NAALADL2: variants seen among roughly 807,000 people sequenced by gnomAD.
NAALADL2 encodes inactive N-acetylated-alpha-linked acidic dipeptidase-like protein 2.
A neutral mutation model predicts 87.2 loss-of-function variants in NAALADL2; 76 were observed. The observed-to-expected ratio is 0.87, with a 90% CI of 0.72 to 1.05. The LOEUF is 1.05. NAALADL2 is among the 50% of genes least tolerant of loss of function. The pLI is 0.00. For missense variants in NAALADL2, 1,089 were observed against 945.8 expected (o/e 1.15, Z -1.99); for synonymous variants, 354 against 331.0 (o/e 1.07, Z -0.75).
At chr3:175,382,525 T>C (rs969505582) in intron 5 of NAALADL2, among the ~76,000 whole-genome samples, 2 of 59,176 alleles carry the variant, frequency 3.4e-5, no homozygotes, top group East Asian at 8.5e-4. Flanking sequence ...ACAATACAAA[T>C]GACCCATGGT....
chr3:174,787,620 T>TATATACACAC (rs1489900205), intron 3 of NAALADL2, among the ~76,000 whole-genome samples: 1 of 117,490 alleles, frequency 8.5e-6, no homozygotes, highest in African/African-American at 2.9e-5. Context: ...TATATATATA[T>TATATACACAC]AGTAGTGACT....
chr3:175,678,041 T>C (rs1378609931), intron 11 of NAALADL2, among the ~76,000 whole-genome samples: 1 of 152,204 alleles, frequency 6.6e-6, no homozygotes, highest in African/African-American at 2.4e-5. Flanking sequence ...GGCAGAGCCT[T>C]GTAGCTGGGC....
chr3:174,529,692 C>T (rs1275710152), intron 1 of NAALADL2, among the ~76,000 whole-genome samples: 1 of 152,210 alleles, frequency 6.6e-6, no homozygotes, highest in African/African-American at 2.4e-5. Flanking sequence ...AGTTCTTGAC[C>T]TCTGTGCACT....
At chr3:175,219,901 G>T in intron 2 of NAALADL2, among the ~76,000 whole-genome samples, 1 of 143,412 alleles carries the variant, frequency 7.0e-6, no homozygotes, top group Non-Finnish European at 1.5e-5. Context: ...TTCAACAAGT[G>T]TATTTGATAT....
chr3:174,587,483 C>T (rs548446865), intron 2 of NAALADL2, among the ~76,000 whole-genome samples: 23 of 152,226 alleles, frequency 1.5e-4, no homozygotes, highest in African/African-American at 5.3e-4. Context: ...ATGGTCTTTA[C>T]AATTTGGCAT....
chr3:175,134,581 G>A (rs1270804436), intron 2 of NAALADL2, among the ~76,000 whole-genome samples: 1 of 152,070 alleles, frequency 6.6e-6, no homozygotes, highest in African/African-American at 2.4e-5. Context: ...TCAATATATA[G>A]CATGAAAAGA....
intron 11 of NAALADL2, among the ~76,000 whole-genome samples, chr3:175,677,478 G>GT (rs1560961279): frequency 3.8e-4 from 53 of 140,192 alleles, no homozygotes; most frequent in Admixed American, 2.5e-3. Context: ...AGTATAATGG[G>GT]GTGTGTGTGT....
chr3:174,909,604 G>T (rs962004087), intron 1 of NAALADL2, among the ~76,000 whole-genome samples: 6 of 152,064 alleles, frequency 3.9e-5, no homozygotes, highest in Non-Finnish European at 8.8e-5. Flanking sequence ...TGGATTGTGT[G>T]GTGGGTTAGT....
intron 2 of NAALADL2, among the ~76,000 whole-genome samples, chr3:175,121,298 T>C (rs1417059944): frequency 2.6e-5 from 4 of 151,848 alleles, no homozygotes; most frequent in Non-Finnish European, 4.4e-5. Context: ...TCTTGGGCTT[T>C]AACAAACAAT....
chr3:174,635,731 G>T (rs184680010), intron 2 of NAALADL2, among the ~76,000 whole-genome samples: 5 of 152,224 alleles, frequency 3.3e-5, no homozygotes, highest in Admixed American at 3.3e-4. Context: ...TGGAACTCCT[G>T]ATCTCAGGTG....
At chr3:175,026,343 G>A (rs548512453) in intron 1 of NAALADL2, among the ~76,000 whole-genome samples, 1 of 151,892 alleles carries the variant, frequency 6.6e-6, no homozygotes, top group Non-Finnish European at 1.5e-5. Flanking sequence ...CAAGAGGCCA[G>A]AAAATATATC....
chr3:175,563,991 T>C (rs1417479371), intron 9 of NAALADL2, among the ~76,000 whole-genome samples: 4 of 152,184 alleles, frequency 2.6e-5, no homozygotes, highest in Non-Finnish European at 5.9e-5. Context: ...CTGTCATCTG[T>C]CAGACTTGGA....
At chr3:174,982,135 A>G (rs964533028) in intron 1 of NAALADL2, among the ~76,000 whole-genome samples, 3 of 152,210 alleles carry the variant, frequency 2.0e-5, no homozygotes, top group African/African-American at 7.2e-5. Flanking sequence ...ACCCACTTCA[A>G]CAACATCAGT....
At chr3:175,544,638 C>T (rs1216328882) in intron 9 of NAALADL2, among the ~76,000 whole-genome samples, 1 of 152,150 alleles carries the variant, frequency 6.6e-6, no homozygotes, top group Non-Finnish European at 1.5e-5. Context: ...CTCAAAAGAT[C>T]AGAGTGGATT....
intron 1 of NAALADL2, among the ~76,000 whole-genome samples, chr3:174,916,908 A>AG (rs1734492946): frequency 1.3e-5 from 2 of 152,060 alleles, no homozygotes; most frequent in South Asian, 4.1e-4. Context: ...AGTGCAAAAT[A>AG]TTTTCAGAGT....
chr3:175,571,508 G>T (rs1397203975), intron 9 of NAALADL2, among the ~76,000 whole-genome samples: 1 of 152,110 alleles, frequency 6.6e-6, no homozygotes, highest in East Asian at 1.9e-4. Context: ...GTAAAACAAA[G>T]AAAATTAACA....
chr3:174,551,911 C>T (rs892768720), intron 2 of NAALADL2, among the ~76,000 whole-genome samples: 5 of 152,140 alleles, frequency 3.3e-5, no homozygotes, highest in East Asian at 1.9e-4. Context: ...TATCCACGGT[C>T]CTCGGGTCAA....
intron 2 of NAALADL2, among the ~76,000 whole-genome samples, chr3:175,103,556 ACTCAGACCTTGC>A (rs139674342): frequency 0.22 from 32,786 of 152,010 alleles, 3,767 homozygotes; most frequent in Non-Finnish European, 0.27. Flanking sequence ...TTATCATTGT[ACTCAGACCTTGC>A]CTCAGAATCC....
At chr3:174,483,681 C>T (rs1717695712) in intron 1 of NAALADL2, among the ~76,000 whole-genome samples, 1 of 151,958 alleles carries the variant, frequency 6.6e-6, no homozygotes, top group South Asian at 2.1e-4. Context: ...GCAGCCTCAA[C>T]CATCTGAAAT....
Sources: gnomAD v4.1 joint callset for allele counts (sites outside exome capture counted in the v4.1 genomes callset) on GRCh38, gnomAD v4.1.1 for gene constraint, MANE v1.5 for transcripts, NCBI Gene and HGNC (gene_info 2026-07-23, HGNC 2026-07-21) for gene names.